The following CEMIP2 variants were observed in gnomAD, a reference collection of about 807,000 sequenced individuals.
CEMIP2 encodes cell migration inducing hyaluronidase 2, also known as cell surface hyaluronidase CEMIP2.
A neutral mutation model predicts 146.9 loss-of-function variants in CEMIP2; 79 were observed. That is an observed-to-expected ratio of 0.54 (90% CI 0.45 to 0.65). The LOEUF (loss-of-function observed/expected upper bound fraction) is 0.65. CEMIP2 is among the 30% of genes least tolerant of loss of function. The pLI, the probability that CEMIP2 is intolerant of heterozygous loss-of-function variation, is 0.00. For missense variants in CEMIP2, 1,596 were observed against 1,696.2 expected, an observed-to-expected ratio of 0.94 and a Z score of 1.04; for synonymous variants, 601 against 606.3, an observed-to-expected ratio of 0.99 and a Z score of 0.13.
intron 5 of CEMIP2, 146 bp downstream of exon 5, chr9:71,739,917 C>T (rs754106964): frequency 6.8e-6 from 5 of 737,428 alleles, no homozygotes; most frequent in Admixed American, 5.9e-5. Flanking sequence ...AGATTAAGCA[C>T]AGTAGGAAAA....
In CEMIP2 at chr9:71,729,829, C is replaced by T; in HGVS notation, c.2049+16G>A. ...AAAAACATTAAAACATCTGAGGTCA[C>T]TTTAACGTTATTTACCTGTGAGCCT... On this transcript the variant is annotated intron_variant, in intron 10 of 23. Coordinates refer to ENST00000377044, the MANE Select transcript of CEMIP2 (RefSeq NM_013390.3). 3 of 1,612,200 alleles carry T rather than the reference C, an allele frequency of 1.9e-6. No homozygotes were observed. Among genetic ancestry groups the T allele is most frequent in the Non-Finnish European group, 2.5e-6 (3 of 1,178,404 alleles).
At chr9:71,732,756 G>C (rs1388203584) in intron 6 of CEMIP2, among the ~76,000 whole-genome samples, 4 of 133,818 alleles carry the variant, frequency 3.0e-5, no homozygotes, top group Non-Finnish European at 6.1e-5. Flanking sequence ...CCCCAGGCTG[G>C]AGTGCAGCGG....
At position 71,725,713 on chromosome 9, in the gene CEMIP2, C is replaced by A. The variant is rs1564010752; in HGVS notation, c.2050-4G>T. ...ATAAATACCATATTCCAGCATCCTA[C>A]AAATGAAAGGACAAGCCCATTAAAA... On this transcript the variant is annotated splice_polypyrimidine_tract_variant and splice_region_variant and intron_variant, in intron 10 of 23. Coordinates refer to ENST00000377044, the MANE Select transcript of CEMIP2 (RefSeq NM_013390.3). 2 of 1,611,320 alleles carry A rather than the reference C, an allele frequency of 1.2e-6. No homozygotes were observed. Among genetic ancestry groups the A allele is most frequent in the Non-Finnish European group, 1.7e-6 (2 of 1,178,788 alleles).
intron 18 of CEMIP2, among the ~76,000 whole-genome samples, chr9:71,701,259 C>T (rs530684032): frequency 3.2e-4 from 49 of 152,226 alleles, no homozygotes; most frequent in African/African-American, 9.9e-4. Flanking sequence ...GGGCACAACA[C>T]CATGCACGGC....
At chr9:71,726,445 T>A (rs1331680904) in intron 10 of CEMIP2, among the ~76,000 whole-genome samples, 1 of 149,912 alleles carries the variant, frequency 6.7e-6, no homozygotes, top group Non-Finnish European at 1.5e-5. Context: ...TTCGATTAAA[T>A]AGTTTGTTAA....
At chr9:71,755,382 A>ACACACACACACACACACACAC (rs1564027281) in intron 1 of CEMIP2, among the ~76,000 whole-genome samples, 4 of 92,930 alleles carry the variant, frequency 4.3e-5, no homozygotes, top group African/African-American at 2.1e-4. Context: ...CACACACACA[A>ACACACACACACACACACACAC]AATTAAATCA....
At chr9:71,728,256 TACAC>T (rs1564012257) in intron 10 of CEMIP2, among the ~76,000 whole-genome samples, 6 of 30,712 alleles carry the variant, frequency 2.0e-4, no homozygotes, top group African/African-American at 5.5e-4. Flanking sequence ...TATATGTATA[TACAC>T]GTATATATAT....
At chr9:71,714,812 A>T in intron 15 of CEMIP2, 122 bp downstream of exon 15, 2 of 975,846 alleles carry the variant, frequency 2.0e-6, no homozygotes, top group South Asian at 4.3e-5. Flanking sequence ...ATAAATGATA[A>T]AATAGGAAAA....
chr9:71,723,136 G>GGAAAAAAAAAA (rs562543367), intron 11 of CEMIP2, among the ~76,000 whole-genome samples: 1 of 104,228 alleles, frequency 9.6e-6, no homozygotes, highest in Non-Finnish European at 1.8e-5. Context: ...AACAGCCAAA[G>GGAAAAAAAAAA]AAAAAAAAAA....
intron 16 of CEMIP2, among the ~76,000 whole-genome samples, chr9:71,710,978 G>C (rs1271397851): frequency 1.3e-5 from 2 of 152,176 alleles, no homozygotes; most frequent in African/African-American, 4.8e-5. Context: ...TAAGTTTGTG[G>C]GTGGATGTGA....
At chr9:71,717,361 T>C (rs1823088367) in intron 13 of CEMIP2, among the ~76,000 whole-genome samples, 1 of 152,014 alleles carries the variant, frequency 6.6e-6, no homozygotes, top group Non-Finnish European at 1.5e-5. Context: ...TCAGAAATGA[T>C]GTGAAATGCC....
At position 71,750,107 on chromosome 9, in the gene CEMIP2, A is replaced by G; in HGVS notation, c.267T>C (p.Thr89=). The change falls in exon 2 of 24, where the codon ACT becomes ACC. Residue 89 remains threonine, a synonymous_variant. Coordinates refer to ENST00000377044, the MANE Select transcript of CEMIP2 (RefSeq NM_013390.3). The stretch of plus-strand genomic sequence containing the variant: ...CAAGTGCAATAAAAAATGAGAAACT[A>G]GTAATAGCAAAACAAATGAAAGTAT... ...HKNTFICFAI[T]SFSFFIALAI... The G allele has an allele frequency of 6.2e-7, 1 of 1,613,770 alleles. No individual in the cohort carries two copies. Among genetic ancestry groups the G allele is most frequent in the Non-Finnish European group, 8.5e-7 (1 of 1,179,928 alleles).
chr9:71,705,455 A>C (rs1184364037), intron 17 of CEMIP2, among the ~76,000 whole-genome samples: 1 of 152,132 alleles, frequency 6.6e-6, no homozygotes, highest in Non-Finnish European at 1.5e-5. Flanking sequence ...CTTAGAACAA[A>C]TCTCCTAAAA....
rs547997962 is a variant in CEMIP2 at position 71,703,059 on chromosome 9, T to C, written c.3194+1536A>G. Among the ~76,000 whole-genome samples, 16 of 152,316 alleles carry C rather than the reference T, an allele frequency of 1.1e-4. 1 individual carries two copies. The South Asian group carries it at 3.3e-3, about 32-fold the overall frequency. On this transcript the variant is annotated intron_variant, in intron 18 of 23. Transcript: ENST00000377044. Reference sequence around the variant, plus strand: ...TCTGCAACTCACTGATGATATTAGATTGGGCTTTCAGAAATCTCACTCTGG... The same window carrying C: ...TCTGCAACTCACTGATGATATTAGACTGGGCTTTCAGAAATCTCACTCTGG...
chr9:71,746,390 T>C (rs1824090079), intron 2 of CEMIP2, 49 bp from the exon 3 acceptor site: 3 of 1,604,580 alleles, frequency 1.9e-6, no homozygotes, highest in East Asian at 2.2e-5. Context: ...GCAGGAATAA[T>C]ATAGCCGAAT....
chr9:71,688,087 C>A (rs1057296611), intron 22 of CEMIP2, among the ~76,000 whole-genome samples: 1 of 152,148 alleles, frequency 6.6e-6, no homozygotes, highest in African/African-American at 2.4e-5. Flanking sequence ...GAACTCCCGG[C>A]CTCAAGCAAT....
chr9:71,704,369 C>T, intron 18 of CEMIP2: 1 of 562,672 alleles, frequency 1.8e-6, no homozygotes, highest in South Asian at 2.1e-5. Flanking sequence ...GCTTTATGTG[C>T]ATAATAACTT....
chr9:71,730,762 C>T lies in CEMIP2; in HGVS notation c.1716G>A (p.Leu572=), dbSNP rs1227386506. Residue 572 remains leucine, a synonymous_variant, in exon 8 of 24, where the codon CTG becomes CTA. Coordinates refer to ENST00000377044, the MANE Select transcript of CEMIP2 (RefSeq NM_013390.3). ...GYRHATFVDG[L]SIHHSFSRCI... ...ACCTTGAGAAGCTGTGATGAATAGA[C>T]AGGCCGTCCACAAATGTTGCATGTC... 6.2e-7 allele frequency: 1 copy of T among 1,614,108 alleles called. No individual in the cohort carries two copies. Among genetic ancestry groups the T allele is most frequent in the Admixed American group, 1.7e-5 (1 of 60,008 alleles).
chr9:71,728,260 C>CGTGTATATATATATATATGT lies in CEMIP2; in HGVS notation c.2049+1584_2049+1585insACATATATATATATATACAC, dbSNP rs1554684676. Among the ~76,000 whole-genome samples, 5 of 6,146 alleles carry CGTGTATATATATATATATGT rather than the reference C, an allele frequency of 8.1e-4. 1 individual carries two copies. Among genetic ancestry groups the CGTGTATATATATATATATGT allele is most frequent in the Admixed American group, 4.4e-3 (2 of 452 alleles). The allele number at this position is 6,146 out of a possible 152,430, so 4.0% of individuals were successfully genotyped here. A position where few individuals can be genotyped will look rare whatever the true frequency, so the allele number is the denominator to read the frequency against. On this transcript the variant is annotated intron_variant, in intron 10 of 23. Coordinates refer to ENST00000377044, the MANE Select transcript of CEMIP2 (RefSeq NM_013390.3). ...ATATATATATATATATGTATATACACGTATATATATATATATATATGTATA... is the reference window on the plus strand; with the variant it reads ...ATATATATATATATATGTATATACACGTGTATATATATATATATGTGTATATATATATATATATATGTATA...
Sources: gnomAD v4.1 joint callset for allele counts (sites outside exome capture counted in the v4.1 genomes callset) on GRCh38, gnomAD v4.1.1 for gene constraint, MANE v1.5 for transcripts, NCBI Gene and HGNC (gene_info 2026-07-23, HGNC 2026-07-21) for gene names.